The following MPV17L variants were observed in gnomAD, a reference collection of about 807,000 sequenced individuals.
MPV17L encodes the protein mpv17-like protein.
In MPV17L, 24 loss-of-function variants were observed where a neutral mutation model predicts 25.8. The observed-to-expected ratio is 0.93, with a 90% CI of 0.67 to 1.31. The LOEUF is 1.31. Ranked by LOEUF, MPV17L falls within the 50% of genes most tolerant of loss-of-function variation. The pLI is 0.00. For missense variants in MPV17L, 250 were observed against 265.6 expected, an observed-to-expected ratio of 0.94 and a Z score of 0.41; for synonymous variants, 102 against 115.3, an observed-to-expected ratio of 0.88 and a Z score of 0.74.
Position 15,412,898 on chromosome 16 carries a change from C to T in MPV17L, c.*4786C>T, listed in dbSNP as rs1010796039. 1.3e-5 allele frequency: 2 copies of T among 152,052 alleles called. No individual in the cohort carries two copies. Among genetic ancestry groups the T allele is most frequent in the African/African-American group, 4.8e-5 (2 of 41,410 alleles). The allele number at this position is 152,052 out of a possible 1,614,324, so 9.4% of individuals were successfully genotyped here. A position where few individuals can be genotyped will look rare whatever the true frequency, so the allele number is the denominator to read the frequency against. On this transcript the variant is annotated 3_prime_UTR_variant, in exon 4 of 4. Transcript: ENST00000396385. The stretch of plus-strand genomic sequence containing the variant: ...CCCGGCCTGGAACTGCAATTTCTAA[C>T]TCATACATCATTGCTATAAACCTTA...
rs1408310694 is a variant in MPV17L at position 15,395,839 on chromosome 16, C to G, written c.-59C>G. On this transcript the variant is annotated 5_prime_UTR_variant, in exon 1 of 4. Transcript: ENST00000396385. ...TGCTGGAGGCTGGGGAGGCCCGGAC[C>G]CGGTGCAGGAAGACGCCGACCACGC... 13 of 1,343,146 alleles carry G rather than the reference C, an allele frequency of 9.7e-6. No homozygotes were observed. The Admixed American group carries it at 2.0e-4, about 21-fold the overall frequency. 83.2% of individuals were successfully genotyped at this position (1,343,146 alleles called of 1,614,324 possible).
intron 2 of MPV17L, 105 bp from the exon 3 acceptor site, chr16:15,407,719 G>A: frequency 9.0e-7 from 1 of 1,109,220 alleles, no homozygotes; most frequent in Non-Finnish European, 1.3e-6. Context: ...TCCAGTCTGG[G>A]CAACAGAGTG....
chr16:15,400,703 AT>A, intron 1 of MPV17L, 83 bp from the exon 2 acceptor site: 1 of 908,862 alleles, frequency 1.1e-6, no homozygotes. Context: ...GTTACTTTGC[AT>A]TTTGGAATGG....
chr16:15,405,238 C>T (rs2050670238), intron 2 of MPV17L, among the ~76,000 whole-genome samples: 1 of 151,858 alleles, frequency 6.6e-6, no homozygotes, highest in Non-Finnish European at 1.5e-5. Flanking sequence ...AAAACACAGC[C>T]ATAAGAAATA....
At chr16:15,397,958 C>T (rs1355319719) in intron 1 of MPV17L, among the ~76,000 whole-genome samples, 3 of 152,154 alleles carry the variant, frequency 2.0e-5, no homozygotes, top group East Asian at 3.8e-4. Flanking sequence ...TTCCTAGCAC[C>T]TGTTACAGGA....
rs1358697930 is a variant in MPV17L, at chr16:15,412,049, A to G, written c.*3937A>G. ...ATTTATCAGTCTTTTTTGTTTGTAC[A>G]AAAACTAATATAAGTTATTCTCTTT... On this transcript the variant is annotated 3_prime_UTR_variant, in exon 4 of 4. Transcript: ENST00000396385. 6.6e-6 allele frequency: 1 copy of G among 152,204 alleles called. No homozygotes were observed. The highest frequency in any genetic ancestry group is 1.5e-5 in the Non-Finnish European group (1 of 68,038). 9.4% of individuals were successfully genotyped at this position (152,204 alleles called of 1,614,324 possible).
intron 1 of MPV17L, chr16:15,399,320 T>C (rs2050614029): frequency 4.6e-6 from 2 of 432,772 alleles, no homozygotes; most frequent in South Asian, 3.3e-5. Context: ...AATCAGGGAT[T>C]GGAAAGAATT....
chr16:15,402,753 C>T (rs1354799760), intron 2 of MPV17L, among the ~76,000 whole-genome samples: 2 of 152,074 alleles, frequency 1.3e-5, no homozygotes, highest in African/African-American at 2.4e-5. Flanking sequence ...CACTCTGCAA[C>T]CTTTGCCTCC....
At chr16:15,402,485 C>T (rs1229007976) in intron 2 of MPV17L, among the ~76,000 whole-genome samples, 3 of 152,164 alleles carry the variant, frequency 2.0e-5, no homozygotes, top group Non-Finnish European at 4.4e-5. Flanking sequence ...GCCAGCATTA[C>T]TTGATGGCTA....
chr16:15,400,799 T>G lies in MPV17L; in HGVS notation c.323T>G (p.Leu108Arg), dbSNP rs376733778. ...GTTTTGCAAATAGGTATGAGCATTCTCCAAGGAAAGGATGACATATTTTTG... is the reference window on the plus strand; with the variant it reads ...GTTTTGCAAATAGGTATGAGCATTCGCCAAGGAAAGGATGACATATTTTTG... ...VSAFYVGMSILQGKDDIFLDL... is the reference protein window; with the variant it reads ...VSAFYVGMSIRQGKDDIFLDL... Residue 108 changes from leucine to arginine, a missense_variant, in exon 2 of 4, where the codon CTC becomes CGC. Leu to Arg is a moderately radical substitution (Grantham distance 102). Transcript: ENST00000396385. 1 of 1,605,190 alleles carries G rather than the reference T, an allele frequency of 6.2e-7. No homozygotes were observed.
chr16:15,397,781 C>G (rs2050600105), intron 1 of MPV17L, among the ~76,000 whole-genome samples: 1 of 150,940 alleles, frequency 6.6e-6, no homozygotes, highest in South Asian at 2.1e-4. Flanking sequence ...CAGACCCCAC[C>G]AGAAACACAA....
intron 1 of MPV17L, among the ~76,000 whole-genome samples, chr16:15,396,481 G>A (rs1168377047): frequency 6.6e-6 from 1 of 152,304 alleles, no homozygotes; most frequent in South Asian, 2.1e-4. Flanking sequence ...GAATTTAGAG[G>A]ACTAGGGTCG....
intron 1 of MPV17L, among the ~76,000 whole-genome samples, chr16:15,396,724 G>A (rs1419443196): frequency 6.6e-6 from 1 of 152,164 alleles, no homozygotes; most frequent in African/African-American, 2.4e-5. Flanking sequence ...AAGGGGATCA[G>A]TGACCCTGAG....
chr16:15,396,090 G>C lies in MPV17L; in HGVS notation c.193G>C (p.Val65Leu), dbSNP rs369509139. Residue 65 changes from valine to leucine, a missense_variant, in exon 1 of 4, where the codon GTG (valine) becomes CTG (leucine). Physicochemically the swap from Val to Leu is conservative, Grantham distance 32. Coordinates refer to ENST00000396385, the MANE Select transcript of MPV17L (RefSeq NM_001128423.2). Reference protein sequence around the residue: ...VVTFHANFNYVWLRLLERALP... With the variant: ...VVTFHANFNYLWLRLLERALP... ...GACCTTCCACGCCAACTTCAACTAC[G>C]TGTGGCTGCGCCTGCTGGAGCGCGC... 4 of 1,545,376 alleles carry C rather than the reference G, an allele frequency of 2.6e-6. No homozygotes were observed. The highest frequency in any genetic ancestry group is 3.5e-6 in the Non-Finnish European group (4 of 1,147,574).
chr16:15,401,684 G>A (rs889664287), intron 2 of MPV17L, among the ~76,000 whole-genome samples: 13 of 152,066 alleles, frequency 8.5e-5, no homozygotes, highest in African/African-American at 2.9e-4. Flanking sequence ...GTCAGGCACG[G>A]TGGTGCATGT....
In MPV17L at chr16:15,396,092, G is replaced by A. The variant is rs1159114533; in HGVS notation, c.195G>A (p.Val65=). The A allele has an allele frequency of 1.3e-6, 2 of 1,545,346 alleles. No homozygotes were observed. Among genetic ancestry groups the A allele is most frequent in the Non-Finnish European group, 1.7e-6 (2 of 1,147,562 alleles). ...VVTFHANFNY[V]WLRLLERALP... Reference sequence around the variant, plus strand: ...CCTTCCACGCCAACTTCAACTACGTGTGGCTGCGCCTGCTGGAGCGCGCGC... The same window carrying A: ...CCTTCCACGCCAACTTCAACTACGTATGGCTGCGCCTGCTGGAGCGCGCGC... Residue 65 remains valine, a synonymous_variant, in exon 1 of 4, where the codon GTG becomes GTA. Transcript: ENST00000396385.
At chr16:15,402,102 A>C (rs2050643992) in intron 2 of MPV17L, among the ~76,000 whole-genome samples, 1 of 152,174 alleles carries the variant, frequency 6.6e-6, no homozygotes, top group Non-Finnish European at 1.5e-5. Flanking sequence ...TTAACATCAC[A>C]AAGGTATTGA....
At chr16:15,397,870 G>A (rs2050600878) in intron 1 of MPV17L, among the ~76,000 whole-genome samples, 1 of 152,126 alleles carries the variant, frequency 6.6e-6, no homozygotes, top group African/African-American at 2.4e-5. Context: ...GGCAGCCTGA[G>A]AGCTAGGGCC....
In MPV17L at chr16:15,407,836, T is replaced by C; in HGVS notation, c.394T>C (p.Tyr132His). The change falls in exon 3 of 4, where the codon TAC becomes CAC. Residue 132 changes from tyrosine (Y) to histidine (H), a missense_variant. Coordinates refer to ENST00000396385, the MANE Select transcript of MPV17L (RefSeq NM_001128423.2). ...FWNTYLSGLM[Y>H]WPFVQLTNFS... is the part of the protein sequence containing the mutation. ...TTCCCAATTCCAGAGTGGACTGATG[T>C]ACTGGCCCTTTGTACAGGTAAGTTC... 1.2e-6 allele frequency: 2 copies of C among 1,613,588 alleles called. No homozygotes were observed. The highest frequency in any genetic ancestry group is 8.5e-7 in the Non-Finnish European group (1 of 1,179,840).
Sources: gnomAD v4.1 joint callset for allele counts (sites outside exome capture counted in the v4.1 genomes callset) on GRCh38, gnomAD v4.1.1 for gene constraint, MANE v1.5 for transcripts, NCBI Gene and HGNC (gene_info 2026-07-23, HGNC 2026-07-21) for gene names.